ASAP3: variants seen among roughly 807,000 people sequenced by gnomAD.
ASAP3 encodes the protein arf-GAP with SH3 domain, ANK repeat and PH domain-containing protein 3.
Under a neutral mutation model 118.2 loss-of-function variants are expected in ASAP3, and 85 were observed. That is an observed-to-expected ratio of 0.72 (90% confidence interval 0.60 to 0.86). ASAP3 has a LOEUF of 0.86. ASAP3 is among the 40% of genes least tolerant of loss of function. The pLI, the probability that ASAP3 is intolerant of heterozygous loss-of-function variation, is 0.00. For synonymous variants in ASAP3, 432 were observed against 477.4 expected, an observed-to-expected ratio of 0.90 and a Z score of 1.24; for missense variants, 1,026 against 1,175.0, an observed-to-expected ratio of 0.87 and a Z score of 1.85.
At chr1:23,466,442 G>A (rs1641772591) in intron 1 of ASAP3, among the ~76,000 whole-genome samples, 2 of 152,316 alleles carry the variant, frequency 1.3e-5, no homozygotes, top group African/African-American at 4.8e-5. Context: ...AGTCCTTTGG[G>A]CAGCCTACCC....
intron 1 of ASAP3, among the ~76,000 whole-genome samples, chr1:23,461,273 C>A (rs1394164751): frequency 6.6e-6 from 1 of 152,082 alleles, no homozygotes. Flanking sequence ...GAGCTGTTGA[C>A]AGAGGGGGAG....
intron 1 of ASAP3, among the ~76,000 whole-genome samples, chr1:23,463,248 A>G (rs1641654517): frequency 6.6e-6 from 1 of 152,210 alleles, no homozygotes; most frequent in South Asian, 2.1e-4. Flanking sequence ...GAGCATGAAA[A>G]GGGAAAAGTT....
At chr1:23,439,333 A>T in intron 10 of ASAP3, 103 bp from the exon 11 acceptor site, 1 of 1,030,202 alleles carries the variant, frequency 9.7e-7, no homozygotes, top group Non-Finnish European at 1.5e-6. Context: ...CTCTAGCCAC[A>T]TCCCTTTACC....
At chr1:23,484,354 G>A (rs944127910), upstream of ASAP3, 28 of 380,902 alleles carry the variant, frequency 7.4e-5, no homozygotes, top group Non-Finnish European at 1.1e-4. Flanking sequence ...TCCAGGCTCC[G>A]GCCCCGGTCC....
At chr1:23,475,519 C>G (rs1642100367) in intron 1 of ASAP3, among the ~76,000 whole-genome samples, 1 of 152,180 alleles carries the variant, frequency 6.6e-6, no homozygotes, top group Non-Finnish European at 1.5e-5. Context: ...GGGAATGACG[C>G]CAAGTGATTC....
intron 1 of ASAP3, among the ~76,000 whole-genome samples, chr1:23,471,654 T>C (rs1212091618): frequency 1.3e-5 from 2 of 152,254 alleles, no homozygotes; most frequent in South Asian, 2.1e-4. Flanking sequence ...CTGTGTGACC[T>C]GAGGCAAGTG....
At chr1:23,461,354 A>G (rs1641579466) in intron 1 of ASAP3, among the ~76,000 whole-genome samples, 1 of 152,158 alleles carries the variant, frequency 6.6e-6, no homozygotes, top group African/African-American at 2.4e-5. Flanking sequence ...GCTCTAAAAA[A>G]TAAAGTCGAT....
Position 23,436,709 on chromosome 1 carries a change from GC to G in ASAP3, c.1477-56del. ...GGAGTAAGACCGGGCGGTTAAGCCT[GC>G]ATAGGGTGGAGCTCCAAGCCCCCAG... On this transcript the variant is annotated intron_variant, in intron 15 of 24. Coordinates refer to ENST00000336689, the MANE Select transcript of ASAP3 (RefSeq NM_017707.4). This position sits in a 1 kb window ranked among gnomAD's most constrained non-coding sequence, Gnocchi z 4.2. 6.2e-7 allele frequency: 1 copy of G among 1,604,306 alleles called. No homozygotes were observed. The highest frequency in any genetic ancestry group is 8.5e-7 in the Non-Finnish European group (1 of 1,171,418).
At chr1:23,434,707 T>C in intron 17 of ASAP3, 89 bp from the exon 18 acceptor site, 2 of 1,259,558 alleles carry the variant, frequency 1.6e-6, no homozygotes, top group Non-Finnish European at 2.3e-6. Flanking sequence ...GCTAACCCCT[T>C]ATCCCCCCAT....
chr1:23,429,568 T>G lies in ASAP3; in HGVS notation c.*288A>C. ...TCTCGATCTGATGAGGGACTGAGAG[T>G]TCTGCAGCTGAAGCCAGCTCAGGAG... is the stretch of plus-strand genomic sequence containing the variant. On this transcript the variant is annotated 3_prime_UTR_variant, in exon 25 of 25. Transcript: ENST00000336689. 1 of 290,356 alleles carries G rather than the reference T, an allele frequency of 3.4e-6. No individual in the cohort carries two copies. Among genetic ancestry groups the G allele is most frequent in the Non-Finnish European group, 6.5e-6 (1 of 153,676 alleles). The allele number at this position is 290,356 out of a possible 1,614,324, so 18.0% of individuals were successfully genotyped here.
intron 1 of ASAP3, among the ~76,000 whole-genome samples, chr1:23,463,751 G>A (rs191533032): frequency 2.6e-5 from 4 of 152,120 alleles, no homozygotes; most frequent in East Asian, 1.9e-4. Flanking sequence ...ACAGGTGCCC[G>A]CCACCATGCC....
chr1:23,437,023 T>C lies in ASAP3; in HGVS notation c.1364A>G (p.Asn455Ser), dbSNP rs778264601. The C allele has an allele frequency of 5.0e-6, 8 of 1,611,728 alleles. No homozygotes were observed. The highest frequency in any genetic ancestry group is 6.8e-6 in the Non-Finnish European group (8 of 1,179,428). The change falls in exon 15 of 25, where the codon AAC (asparagine) becomes AGC (serine). Residue 455 changes from asparagine (N) to serine (S), a missense_variant. Transcript: ENST00000336689. This position sits in a 1 kb window ranked among gnomAD's most constrained non-coding sequence, Gnocchi z 6.1. ...CTGGATGCAGGTGAGCACGCCCAGG[T>C]TGGTGCTGAGCCACGTGGGGTCTGC... is the stretch of plus-strand genomic sequence containing the variant. ...GAADPTWLST[N>S]LGVLTCIQCS...
At chr1:23,434,108 A>C (rs1409257516) in intron 19 of ASAP3, 146 bp downstream of exon 19, 1 of 733,718 alleles carries the variant, frequency 1.4e-6, no homozygotes, top group Non-Finnish European at 2.3e-6. Flanking sequence ...CAGATGAGGA[A>C]GCTGAAATTC....
chr1:23,431,824 C>T lies in ASAP3; in HGVS notation c.2418G>A (p.Leu806=). 1 of 1,572,204 alleles carries T rather than the reference C, an allele frequency of 6.4e-7. No homozygotes were observed. The highest frequency in any genetic ancestry group is 8.6e-7 in the Non-Finnish European group (1 of 1,165,472). ...GGGCTTGGCTGGGATCCCCAGGTTC[C>T]AAGGGGCTCATCAGACTGGAGGAGG... ...PASSSSLMSP[L]EPGDPSQAPP... is the part of the protein sequence containing the mutation. The change falls in exon 23 of 25, where the codon TTG becomes TTA. Residue 806 remains leucine, a synonymous_variant. Transcript: ENST00000336689.
chr1:23,438,521 G>T lies in ASAP3; in HGVS notation c.1102+226C>A, dbSNP rs955594700. ...AGATGACCCAAATCCACTCAAATATGCTCTGTATAAATAGCCACATTTATT... is the reference window on the plus strand; with the variant it reads ...AGATGACCCAAATCCACTCAAATATTCTCTGTATAAATAGCCACATTTATT... On this transcript the variant is annotated intron_variant, in intron 12 of 24. Coordinates refer to ENST00000336689, the MANE Select transcript of ASAP3 (RefSeq NM_017707.4). This position sits in a 1 kb window ranked among gnomAD's most constrained non-coding sequence, Gnocchi z 4.9. 6.6e-6 allele frequency among the ~76,000 whole-genome samples: 1 copy of T among 152,200 alleles called. No individual in the cohort carries two copies. The highest frequency in any genetic ancestry group is 2.4e-5 in the African/African-American group (1 of 41,450).
chr1:23,442,223 G>T lies in ASAP3; in HGVS notation c.634C>A (p.Leu212Ile), dbSNP rs771711611. Residue 212 changes from leucine to isoleucine, a missense_variant, in exon 7 of 25, where the codon CTT (leucine) becomes ATT (isoleucine). Physicochemically the swap from Leu to Ile is conservative, Grantham distance 5. Coordinates refer to ENST00000336689, the MANE Select transcript of ASAP3 (RefSeq NM_017707.4). ...TGGAAGAACTTGATGAGGCTCTGAA[G>T]GAAGTCAGGACCTTGCTTCATCTGG... ...ESQMKQGPDFLQSLIKFFHAQ... is the reference protein window; with the variant it reads ...ESQMKQGPDFIQSLIKFFHAQ... The T allele has an allele frequency of 1.2e-5, 19 of 1,607,424 alleles. No homozygotes were observed. The South Asian group carries it at 1.8e-4, about 15-fold the overall frequency.
upstream of ASAP3, chr1:23,484,460 G>T (rs1486455474): frequency 6.0e-6 from 1 of 166,020 alleles, no homozygotes. Flanking sequence ...GCCCCCTGGC[G>T]CGATGCCCCA....
chr1:23,478,451 G>A (rs1642203377), intron 1 of ASAP3, among the ~76,000 whole-genome samples: 2 of 150,832 alleles, frequency 1.3e-5, no homozygotes, highest in Admixed American at 1.3e-4. Flanking sequence ...GGTGACAAGA[G>A]TGAAACTCTA....
intron 5 of ASAP3, among the ~76,000 whole-genome samples, chr1:23,451,108 T>C (rs1220298670): frequency 6.6e-6 from 1 of 152,226 alleles, no homozygotes; most frequent in African/African-American, 2.4e-5. Flanking sequence ...CTCTGAGTCC[T>C]CCTGTGGTAA....
Sources: gnomAD v4.1 joint callset for allele counts (sites outside exome capture counted in the v4.1 genomes callset) on GRCh38, gnomAD v4.1.1 for gene constraint, Gnocchi (gnomAD v3.1) non-coding constraint, MANE v1.5 for transcripts, NCBI Gene and HGNC (gene_info 2026-07-23, HGNC 2026-07-21) for gene names.